ANK2: variants seen among roughly 807,000 people sequenced by gnomAD.
ANK2 encodes ankyrin-2.
In ANK2, 83 loss-of-function variants were observed where a neutral mutation model predicts 360.5. The ratio of observed to expected loss-of-function variants is 0.23; its 90% CI spans 0.19 to 0.28. The LOEUF (loss-of-function observed/expected upper bound fraction) is 0.28. Among genes scored for constraint, ANK2 ranks in the 10% least tolerant of loss-of-function variants. ANK2 has a pLI of 1.00. For missense variants in ANK2, 4,201 were observed against 4,795.7 expected (o/e 0.88, Z 3.66); for synonymous variants, 1,740 against 1,759.5 (o/e 0.99, Z 0.28).
Position 113,357,221 on chromosome 4 carries a change from C to T in ANK2, c.8603C>T (p.Thr2868Ile), listed in dbSNP as rs2154027304. 6.2e-7 allele frequency: 1 copy of T among 1,614,106 alleles called. No homozygotes were observed. The highest frequency in any genetic ancestry group is 8.5e-7 in the Non-Finnish European group (1 of 1,180,002). Residue 2868 changes from threonine (T) to isoleucine (I), a missense_variant, in exon 38 of 46, where the codon ACA (threonine) becomes ATA (isoleucine). By Grantham distance (89) the Thr-to-Ile change is moderately conservative. Transcript: ENST00000357077. ...GAATTAGATGAAGACATATCTGCCACATCTTCTATTCAAAAAACAGAGGTC... is the reference window on the plus strand; with the variant it reads ...GAATTAGATGAAGACATATCTGCCATATCTTCTATTCAAAAAACAGAGGTC... ...GKELDEDISA[T>I]SSIQKTEVTK... is the part of the protein sequence containing the mutation.
chr4:113,058,012 GA>G (rs1477572637), intron 1 of ANK2, among the ~76,000 whole-genome samples: 1 of 152,138 alleles, frequency 6.6e-6, no homozygotes, highest in African/African-American at 2.4e-5. Flanking sequence ...CCTTGAACAA[GA>G]AATTTGAGAC....
At chr4:113,108,080 C>A (rs190278601) in intron 1 of ANK2, among the ~76,000 whole-genome samples, 3 of 151,248 alleles carry the variant, frequency 2.0e-5, no homozygotes, top group African/African-American at 7.4e-5. Flanking sequence ...CCAGTCAAGA[C>A]CTTTTATTTA....
At chr4:113,155,466 G>A (rs1287564247) in intron 1 of ANK2, among the ~76,000 whole-genome samples, 2 of 152,008 alleles carry the variant, frequency 1.3e-5, no homozygotes, top group Non-Finnish European at 2.9e-5. Context: ...TTTAAAGTGG[G>A]TTCTAAGATT....
chr4:113,353,710 T>G lies in ANK2; in HGVS notation c.5092T>G (p.Leu1698Val). The G allele has an allele frequency of 6.2e-7, 1 of 1,613,434 alleles. No individual in the cohort carries two copies. Among genetic ancestry groups the G allele is most frequent in the Admixed American group, 1.7e-5 (1 of 59,934 alleles). ...QSTQKQHKPS[L>V]GIKKPVRRKL... The stretch of plus-strand genomic sequence containing the variant: ...TACACAGAAACAGCACAAACCAAGC[T>G]TGGGAATAAAGAAGCCAGTAAGAAG... The change falls in exon 38 of 46, where the codon TTG (leucine) becomes GTG (valine). Residue 1698 changes from leucine to valine, a missense_variant. Transcript: ENST00000357077.
intron 26 of ANK2, among the ~76,000 whole-genome samples, chr4:113,322,469 ATTC>A (rs762723239): frequency 3.9e-5 from 6 of 152,240 alleles, no homozygotes; most frequent in Non-Finnish European, 8.8e-5. Flanking sequence ...TAATTTTACA[ATTC>A]TTCTTCATTT....
At chr4:112,806,550 G>A in the ANK2 span, among the ~76,000 whole-genome samples, 1 of 152,112 alleles carries the variant, frequency 6.6e-6, no homozygotes, top group Non-Finnish European at 1.5e-5. Flanking sequence ...CTGATTTCAG[G>A]CCAGGTGTGG....
At chr4:112,960,726 C>T (rs1254600414) in intron 2 of ANK2, among the ~76,000 whole-genome samples, 2 of 151,762 alleles carry the variant, frequency 1.3e-5, no homozygotes, top group Non-Finnish European at 2.9e-5. Context: ...TTTATTTTAC[C>T]ATCATTTTCC....
At chr4:113,134,844 A>T (rs919620759) in intron 1 of ANK2, among the ~76,000 whole-genome samples, 1 of 152,158 alleles carries the variant, frequency 6.6e-6, no homozygotes, top group African/African-American at 2.4e-5. Context: ...GAACTTTGCC[A>T]TGTAGTTTAA....
At chr4:112,907,603 A>G (rs966615107) in intron 2 of ANK2, among the ~76,000 whole-genome samples, 2 of 152,222 alleles carry the variant, frequency 1.3e-5, no homozygotes, top group Non-Finnish European at 2.9e-5. Context: ...GATCACAACT[A>G]TATTGAATTT....
rs75789955 is a variant in ANK2, at chr4:113,114,898, A to T, written c.85-59518A>T. ...ACCCTCACAACAGGAAAACCATTGC[A>T]GGAGGCTTAGCCACATTTCCTTGGG... On this transcript the variant is annotated intron_variant, in intron 1 of 45. Coordinates refer to ENST00000357077, the MANE Select transcript of ANK2 (RefSeq NM_001148.6). Among the ~76,000 whole-genome samples the T allele has an allele frequency of 5.2e-4, 79 of 152,334 alleles. No individual in the cohort carries two copies. The East Asian group carries it at 0.013, about 25-fold the overall frequency.
At chr4:112,845,293 A>G (rs2063042549) in intron 1 of ANK2, among the ~76,000 whole-genome samples, 1 of 150,954 alleles carries the variant, frequency 6.6e-6, no homozygotes, top group Admixed American at 6.7e-5. Flanking sequence ...GTTAGGGCTC[A>G]AATATTGATG....
chr4:112,856,741 G>A (rs2066517774), intron 1 of ANK2, among the ~76,000 whole-genome samples: 2 of 152,140 alleles, frequency 1.3e-5, no homozygotes, highest in Admixed American at 6.6e-5. Flanking sequence ...AAACAAAAAA[G>A]TGTATTATTA....
chr4:112,861,986 T>C (rs769723161), intron 1 of ANK2, among the ~76,000 whole-genome samples: 10 of 152,186 alleles, frequency 6.6e-5, no homozygotes, highest in Non-Finnish European at 1.2e-4. Context: ...GGCTCATGGA[T>C]TGAAATCTAT....
intron 2 of ANK2, among the ~76,000 whole-genome samples, chr4:113,003,671 A>G (rs1578796234): frequency 6.6e-6 from 1 of 152,208 alleles, no homozygotes; most frequent in Non-Finnish European, 1.5e-5. Context: ...CCAGTTTGAG[A>G]AAGTGATCTT....
intron 32 of ANK2, among the ~76,000 whole-genome samples, chr4:113,340,456 G>A (rs1227349391): frequency 6.6e-6 from 1 of 152,216 alleles, no homozygotes; most frequent in Non-Finnish European, 1.5e-5. Flanking sequence ...ACTTTGGGAG[G>A]CCAAGACAGG....
rs142238942 is a variant in ANK2 at position 113,133,597 on chromosome 4, G to A, written c.85-40819G>A. Among the ~76,000 whole-genome samples, 851 of 152,024 alleles carry A rather than the reference G, an allele frequency of 5.6e-3. 1 individual carries two copies. Among genetic ancestry groups the A allele is most frequent in the Non-Finnish European group, 8.7e-3 (589 of 67,960 alleles). On this transcript the variant is annotated intron_variant, in intron 1 of 45. Coordinates refer to ENST00000357077, the MANE Select transcript of ANK2 (RefSeq NM_001148.6). Reference sequence around the variant, plus strand: ...TGTAGTATTTTTAACTTAAATTTTAGGGCAGATAATAAACAAACCTTAGAC... The same window carrying A: ...TGTAGTATTTTTAACTTAAATTTTAAGGCAGATAATAAACAAACCTTAGAC...
Position 113,359,294 on chromosome 4 carries a change from C to T in ANK2, c.10676C>T (p.Ala3559Val). ...RIPDENGHDHAEDPQDEQERI... is the reference protein window; with the variant it reads ...RIPDENGHDHVEDPQDEQERI... ...CCTGATGAAAATGGCCATGACCATG[C>T]TGAAGGTATTTGCCAGCCACCGGGA... The change falls in exon 38 of 46, where the codon GCT (alanine) becomes GTT (valine). Residue 3559 changes from alanine to valine, a missense_variant. Around this residue, in one of 4 missense-constraint regions of ANK2, gnomAD observed 2,642 missense variants for 2,714.5 expected, o/e 0.97. Transcript: ENST00000357077. 6.2e-7 allele frequency: 1 copy of T among 1,613,684 alleles called. No homozygotes were observed. The highest frequency in any genetic ancestry group is 8.5e-7 in the Non-Finnish European group (1 of 1,179,860).
At chr4:113,155,934 T>A (rs2097271675) in intron 1 of ANK2, among the ~76,000 whole-genome samples, 1 of 152,192 alleles carries the variant, frequency 6.6e-6, no homozygotes, top group South Asian at 2.1e-4. Flanking sequence ...GCAAAGCAAT[T>A]TGAGTTTATG....
the ANK2 span, among the ~76,000 whole-genome samples, chr4:112,719,666 T>G: frequency 1.3e-5 from 2 of 149,800 alleles, no homozygotes; most frequent in African/African-American, 4.9e-5. Context: ...GGGCGGAGCT[T>G]GCTGTGAGCT....
Sources: allele counts gnomAD v4.1 joint callset (sites outside exome capture counted in the v4.1 genomes callset), GRCh38; gene constraint gnomAD v4.1.1; regional missense constraint gnomAD v4.1.1; transcripts MANE v1.5; gene names NCBI Gene and HGNC (gene_info 2026-07-23, HGNC 2026-07-21).